FHOD3: variants seen among roughly 807,000 people sequenced by gnomAD.
FHOD3 encodes the protein FH1/FH2 domain-containing protein 3.
In FHOD3, 90 loss-of-function variants were observed where a neutral mutation model predicts 173.0. The observed-to-expected ratio is 0.52, with a 90% CI of 0.44 to 0.62. The LOEUF (loss-of-function observed/expected upper bound fraction) is 0.62. Among genes scored for constraint, FHOD3 ranks in the 20% least tolerant of loss-of-function variants. The pLI is 0.00. For missense variants in FHOD3, 1,945 were observed against 2,034.7 expected (o/e 0.96, Z 0.85); for synonymous variants, 828 against 823.0 (o/e 1.01, Z -0.10).
At chr18:36,558,853 AAACTC>A (rs2057988661) in intron 5 of FHOD3, among the ~76,000 whole-genome samples, 1 of 152,236 alleles carries the variant, frequency 6.6e-6, no homozygotes, top group Non-Finnish European at 1.5e-5. Context: ...TATGAACTAA[AAACTC>A]AAAGAGAACG....
intron 1 of FHOD3, 91 bp from the exon 2 acceptor site, chr18:36,355,448 C>A: frequency 9.7e-7 from 1 of 1,035,276 alleles, no homozygotes; most frequent in Non-Finnish European, 1.5e-6. Context: ...CTTGATTTTA[C>A]AAAACACAGG....
intron 5 of FHOD3, among the ~76,000 whole-genome samples, chr18:36,517,212 G>C (rs1194911428): frequency 6.6e-6 from 1 of 152,178 alleles, no homozygotes; most frequent in Non-Finnish European, 1.5e-5. Context: ...GGGATAGCCA[G>C]TATTTAATTT....
chr18:36,762,947 G>A (rs1023313219), intron 27 of FHOD3, among the ~76,000 whole-genome samples: 3 of 145,080 alleles, frequency 2.1e-5, no homozygotes, highest in Non-Finnish European at 4.5e-5. Context: ...TATATAATAT[G>A]TGTATTATAT....
intron 10 of FHOD3, among the ~76,000 whole-genome samples, chr18:36,633,417 C>G (rs1442475573): frequency 6.6e-6 from 1 of 152,220 alleles, no homozygotes; most frequent in Non-Finnish European, 1.5e-5. Flanking sequence ...GGGATACTCT[C>G]CTTCCCTAGT....
At chr18:36,661,359 T>G (rs1394581561) in intron 14 of FHOD3, among the ~76,000 whole-genome samples, 1 of 152,218 alleles carries the variant, frequency 6.6e-6, no homozygotes, top group Non-Finnish European at 1.5e-5. Context: ...ATATATACTT[T>G]AGTAGAATTT....
rs947897391 is a variant in FHOD3, at chr18:36,779,377, G to T, written c.4787-71G>T. The T allele has an allele frequency of 4.9e-6, 7 of 1,426,490 alleles. No individual in the cohort carries two copies. In the African/African-American group the frequency reaches 9.8e-5, roughly 20 times the overall value. The allele number at this position is 1,426,490 out of a possible 1,614,324, so 88.4% of individuals were successfully genotyped here. On this transcript the variant is annotated intron_variant, in intron 28 of 28. Transcript: ENST00000590592. Reference sequence around the variant, plus strand: ...AGAAGGGGGGACTGGAGTCTTGACTGCCCTGTGCCTTGCTGCTCATACTTC... The same window carrying T: ...AGAAGGGGGGACTGGAGTCTTGACTTCCCTGTGCCTTGCTGCTCATACTTC...
In FHOD3 at chr18:36,663,478, C is replaced by G. The variant is rs556839192; in HGVS notation, c.1835+5290C>G. Among the ~76,000 whole-genome samples, 29 of 152,322 alleles carry G rather than the reference C, an allele frequency of 1.9e-4. No homozygotes were observed. The East Asian group carries it at 5.4e-3, about 28-fold the overall frequency. ...CATGGTCACTGGAATACAACTGTGT[C>G]ATGTGCTGCCATGGAACAGTCCTAT... On this transcript the variant is annotated intron_variant, in intron 14 of 28. Coordinates refer to ENST00000590592, the MANE Select transcript of FHOD3 (RefSeq NM_001281740.3).
At chr18:36,392,242 C>T (rs2048336103) in intron 3 of FHOD3, among the ~76,000 whole-genome samples, 1 of 152,174 alleles carries the variant, frequency 6.6e-6, no homozygotes, top group East Asian at 1.9e-4. Flanking sequence ...CCACCCAGCA[C>T]AGAGTAAGCA....
At position 36,755,397 on chromosome 18, in the gene FHOD3, CTT is replaced by C. The variant is rs200164880; in HGVS notation, c.4425+113_4425+114del. ...ATCCTCCCCACAGTTAAAAGCTGTG[CTT>C]TTTTTTTTTTTTTTTTTTTTTTTTT... On this transcript the variant is annotated intron_variant, in intron 25 of 28. Transcript: ENST00000590592. 1,906 of 211,444 alleles carry C rather than the reference CTT, an allele frequency of 9.0e-3. 1 individual carries two copies. Among genetic ancestry groups the C allele is most frequent in the South Asian group, 0.017 (95 of 5,606 alleles). 13.1% of individuals were successfully genotyped at this position (211,444 alleles called of 1,614,324 possible). A position where few individuals can be genotyped will look rare whatever the true frequency, so the allele number is the denominator to read the frequency against.
intron 5 of FHOD3, among the ~76,000 whole-genome samples, chr18:36,548,188 T>C (rs2057492868): frequency 6.6e-6 from 1 of 151,926 alleles, no homozygotes; most frequent in South Asian, 2.1e-4. Context: ...TGAGACAATG[T>C]CTCAAAAACA....
intron 14 of FHOD3, among the ~76,000 whole-genome samples, chr18:36,659,104 C>T (rs2036610423): frequency 6.6e-6 from 1 of 152,184 alleles, no homozygotes; most frequent in Non-Finnish European, 1.5e-5. Context: ...CATTTAGATC[C>T]TCTTCTATGT....
chr18:36,545,136 C>T (rs1010624697), intron 5 of FHOD3, among the ~76,000 whole-genome samples: 4 of 152,280 alleles, frequency 2.6e-5, no homozygotes, highest in South Asian at 4.1e-4. Flanking sequence ...CCCCCTCTCT[C>T]CCTGTCTCCT....
At chr18:36,604,661 AAAGAG>A (rs749062276) in intron 8 of FHOD3, among the ~76,000 whole-genome samples, 18 of 152,236 alleles carry the variant, frequency 1.2e-4, no homozygotes, top group Admixed American at 3.9e-4. Flanking sequence ...GGAAGAAAAA[AAAGAG>A]AGAGAGAGAT....
chr18:36,757,591 G>A (rs2042686152), intron 25 of FHOD3, among the ~76,000 whole-genome samples: 1 of 152,206 alleles, frequency 6.6e-6, no homozygotes, highest in Admixed American at 6.5e-5. Flanking sequence ...TTTGTAGTAA[G>A]TCACCTTGAA....
intron 17 of FHOD3, among the ~76,000 whole-genome samples, chr18:36,708,881 G>A (rs956708266): frequency 3.3e-5 from 5 of 151,988 alleles, no homozygotes; most frequent in Middle Eastern, 3.2e-3. Context: ...CCTCCATATC[G>A]TAAGGTCACT....
At chr18:36,528,932 G>A (rs2080616369) in intron 5 of FHOD3, among the ~76,000 whole-genome samples, 1 of 152,174 alleles carries the variant, frequency 6.6e-6, no homozygotes, top group African/African-American at 2.4e-5. Context: ...CTGCCCTGGG[G>A]GTGGGTTGGC....
chr18:36,658,955 G>A (rs2036601299), intron 14 of FHOD3, among the ~76,000 whole-genome samples: 3 of 152,184 alleles, frequency 2.0e-5, no homozygotes, highest in Non-Finnish European at 2.9e-5. Context: ...AGCCCACCAT[G>A]TGTATCTGGT....
rs142648080 is a variant in FHOD3 at position 36,491,991 on chromosome 18, A to G, written c.338-9941A>G. ...CAAATAAACATGGTAGAGTAGGGCT[A>G]TGTATTTGGCCCATTTACAGAAAGC... On this transcript the variant is annotated intron_variant, in intron 3 of 28. Coordinates refer to ENST00000590592, the MANE Select transcript of FHOD3 (RefSeq NM_001281740.3). Among the ~76,000 whole-genome samples the G allele has an allele frequency of 7.1e-3, 1,080 of 152,232 alleles. 10 individuals carry two copies. The highest frequency in any genetic ancestry group is 0.025 in the African/African-American group (1,028 of 41,526).
At chr18:36,741,611 A>G (rs775969297) in intron 21 of FHOD3, among the ~76,000 whole-genome samples, 5 of 152,104 alleles carry the variant, frequency 3.3e-5, no homozygotes, top group Non-Finnish European at 7.4e-5. Context: ...CTCTACAGAA[A>G]TTTTAAAAAC....
Sources: gnomAD v4.1 joint callset for allele counts (sites outside exome capture counted in the v4.1 genomes callset) on GRCh38, gnomAD v4.1.1 for gene constraint, MANE v1.5 for transcripts, NCBI Gene and HGNC (gene_info 2026-07-23, HGNC 2026-07-21) for gene names.